The following HDLBP variants were observed in gnomAD, a reference collection of about 807,000 sequenced individuals.
The protein encoded by HDLBP is high density lipoprotein binding protein.
HDLBP carries 30 observed loss-of-function variants against 137.3 expected under a neutral mutation model. The observed-to-expected ratio is 0.22, with a 90% CI of 0.16 to 0.30. HDLBP has a LOEUF of 0.30. Among genes scored for constraint, HDLBP ranks in the 10% least tolerant of loss-of-function variants. HDLBP has a pLI of 1.00. For synonymous variants in HDLBP, 606 were observed against 596.0 expected (o/e 1.02, Z -0.24); for missense variants, 1,119 against 1,667.3 (o/e 0.67, Z 5.73).
At chr2:241,267,262 T>G (rs1379578837) in intron 2 of HDLBP, among the ~76,000 whole-genome samples, 1 of 151,662 alleles carries the variant, frequency 6.6e-6, no homozygotes. Context: ...TTTAAGAAAG[T>G]TTAAGAAATT....
At chr2:241,252,902 C>T (rs1005000680) in intron 11 of HDLBP, 55 bp downstream of exon 11, 4 of 1,218,770 alleles carry the variant, frequency 3.3e-6, no homozygotes, top group Non-Finnish European at 3.6e-6. Flanking sequence ...AGCTGACACC[C>T]CCCACAAGGG....
intron 1 of HDLBP, among the ~76,000 whole-genome samples, chr2:241,308,197 G>T (rs1206988824): frequency 1.3e-5 from 2 of 152,110 alleles, no homozygotes; most frequent in East Asian, 3.8e-4. Context: ...CAATCTTGTT[G>T]AGCTTATTGA....
intron 9 of HDLBP, among the ~76,000 whole-genome samples, chr2:241,254,626 A>C (rs2072469068): frequency 6.6e-6 from 1 of 152,004 alleles, no homozygotes; most frequent in Admixed American, 6.5e-5. Context: ...CTGGGACCAC[A>C]GGTGCCCGCC....
At chr2:241,262,689 A>G in intron 5 of HDLBP, 22 bp downstream of exon 5, 1 of 1,572,554 alleles carries the variant, frequency 6.4e-7, no homozygotes, top group Non-Finnish European at 8.7e-7. Context: ...CACTGGGGAG[A>G]AGTAGGCCTC....
intron 10 of HDLBP, 79 bp from the exon 11 acceptor site, chr2:241,253,114 C>T (rs1284201549): frequency 1.9e-5 from 20 of 1,058,004 alleles, no homozygotes; most frequent in Non-Finnish European, 2.6e-5. Context: ...GCAGTCTCCA[C>T]GGTTGCCTTT....
At chr2:241,260,796 A>C (rs141494890) in intron 5 of HDLBP, among the ~76,000 whole-genome samples, 4 of 152,300 alleles carry the variant, frequency 2.6e-5, no homozygotes, top group African/African-American at 9.6e-5. Context: ...CTGACTGTGG[A>C]AGTAACCAAG....
At chr2:241,275,894 A>G (rs2074371962) in intron 1 of HDLBP, among the ~76,000 whole-genome samples, 2 of 152,198 alleles carry the variant, frequency 1.3e-5, no homozygotes, top group Non-Finnish European at 2.9e-5. Context: ...ATCCCTGCTG[A>G]CAGACCTACT....
intron 20 of HDLBP, among the ~76,000 whole-genome samples, chr2:241,237,543 AG>A (rs2070696882): frequency 6.6e-6 from 1 of 152,222 alleles, no homozygotes; most frequent in African/African-American, 2.4e-5. Context: ...ATGGGGAAGT[AG>A]GTGTTTCTGA....
Position 241,235,552 on chromosome 2 carries a change from G to A in HDLBP, c.2947C>T (p.Leu983Phe), listed in dbSNP as rs763870731. ...VTIEVEVPFD[L>F]HRYVIGQKGS... Reference sequence around the variant, plus strand: ...TTCTGCCCAATAACGTAACGGTGAAGGTCAAAGGGCACCTCTACTTCAATG... The same window carrying A: ...TTCTGCCCAATAACGTAACGGTGAAAGTCAAAGGGCACCTCTACTTCAATG... The change falls in exon 22 of 28, where the codon CTT becomes TTT. Residue 983 changes from leucine (L) to phenylalanine (F), a missense_variant. This residue lies in a region of HDLBP where 618 missense variants were observed against 816.7 expected (regional missense o/e 0.76). Transcript: ENST00000310931. The A allele has an allele frequency of 1.9e-6, 3 of 1,614,106 alleles. No homozygotes were observed. The highest frequency in any genetic ancestry group is 2.2e-5 in the East Asian group (1 of 44,876).
At chr2:241,304,610 G>A (rs115861827) in intron 1 of HDLBP, among the ~76,000 whole-genome samples, 3 of 152,300 alleles carry the variant, frequency 2.0e-5, no homozygotes, top group Admixed American at 6.5e-5. Flanking sequence ...TATGTACTTG[G>A]TGAAAAATAA....
chr2:241,232,856 T>TA (rs35864165), intron 24 of HDLBP, among the ~76,000 whole-genome samples: 34,813 of 151,662 alleles, frequency 0.23, 4,271 homozygotes, highest in Middle Eastern at 0.34. Flanking sequence ...GACTAAAAAT[T>TA]AAAAAATGTA....
chr2:241,299,532 A>G (rs1360620106), intron 1 of HDLBP, among the ~76,000 whole-genome samples: 9 of 144,014 alleles, frequency 6.2e-5, no homozygotes, highest in African/African-American at 1.0e-4. Flanking sequence ...AAAAAAAAAG[A>G]AAGGAAAACT....
Position 241,247,118 on chromosome 2 carries a change from C to T in HDLBP, c.1756G>A (p.Val586Ile). The part of the protein sequence containing the change: ...DLVENSYSIS[V>I]PIFKQFHKNI... ...TTGTGAAACTGTTTGAAGATCGGAA[C>T]AGAAATTGAATAGCTATTTTCCACC... The change falls in exon 15 of 28, where the codon GTT becomes ATT. Residue 586 changes from valine to isoleucine, a missense_variant. Val to Ile is a conservative substitution (Grantham distance 29). This residue lies in a region of HDLBP where 425 missense variants were observed against 693.9 expected (regional missense o/e 0.61). Coordinates refer to ENST00000310931, the MANE Select transcript of HDLBP (RefSeq NM_005336.6). The T allele has an allele frequency of 2.5e-6, 4 of 1,612,656 alleles. No homozygotes were observed. The highest frequency in any genetic ancestry group is 3.4e-6 in the Non-Finnish European group (4 of 1,178,630).
chr2:241,258,279 G>A (rs953349781), intron 5 of HDLBP, among the ~76,000 whole-genome samples: 8 of 150,522 alleles, frequency 5.3e-5, no homozygotes, highest in South Asian at 2.1e-4. Context: ...CCCGGGAGGC[G>A]GAGCTTGCAG....
chr2:241,277,374 G>A (rs1488560206), intron 1 of HDLBP, among the ~76,000 whole-genome samples: 1 of 152,002 alleles, frequency 6.6e-6, no homozygotes, highest in Admixed American at 6.6e-5. Flanking sequence ...TACCACAAAG[G>A]ATAAACAAAA....
At chr2:241,287,681 C>CA (rs1227323861) in intron 1 of HDLBP, among the ~76,000 whole-genome samples, 1 of 152,198 alleles carries the variant, frequency 6.6e-6, no homozygotes, top group Non-Finnish European at 1.5e-5. Flanking sequence ...CTTGGCCTCC[C>CA]AAAGTGCTGG....
At chr2:241,310,589 A>AG (rs1191929006) in intron 1 of HDLBP, among the ~76,000 whole-genome samples, 1 of 152,170 alleles carries the variant, frequency 6.6e-6, no homozygotes, top group African/African-American at 2.4e-5. Context: ...AAAATTTTAG[A>AG]GGGGGGAAAA....
At chr2:241,257,034 C>G (rs1345675900) in intron 5 of HDLBP, among the ~76,000 whole-genome samples, 1 of 152,170 alleles carries the variant, frequency 6.6e-6, no homozygotes, top group Non-Finnish European at 1.5e-5. Flanking sequence ...TTAACATCCA[C>G]TGGAATATAC....
intron 1 of HDLBP, among the ~76,000 whole-genome samples, chr2:241,306,001 C>T (rs569433339): frequency 2.0e-4 from 31 of 152,098 alleles, no homozygotes; most frequent in Non-Finnish European, 4.3e-4. Flanking sequence ...ACCTCGTGAT[C>T]CACCCACCTC....
Sources: allele counts gnomAD v4.1 joint callset (sites outside exome capture counted in the v4.1 genomes callset), GRCh38; gene constraint gnomAD v4.1.1; regional missense constraint gnomAD v4.1.1; transcripts MANE v1.5; gene names NCBI Gene and HGNC (gene_info 2026-07-23, HGNC 2026-07-21).